Variants in FAT2 observed in about 807,000 individuals in gnomAD.
The protein encoded by FAT2 is protocadherin Fat 2.
In FAT2, 150 loss-of-function variants were observed where a neutral mutation model predicts 295.3. The observed-to-expected ratio is 0.51, with a 90% CI of 0.44 to 0.58. The LOEUF (loss-of-function observed/expected upper bound fraction) is 0.58, where lower values mean the gene tolerates loss of function less well. Among genes scored for constraint, FAT2 ranks in the 20% least tolerant of loss-of-function variants. FAT2 has a pLI of 0.00. For synonymous variants in FAT2, 2,026 were observed against 2,150.3 expected, an observed-to-expected ratio of 0.94 and a Z score of 1.60; for missense variants, 4,868 against 5,442.7, an observed-to-expected ratio of 0.89 and a Z score of 3.32.
At chr5:151,527,448 C>T (rs759292739) in intron 16 of FAT2, 71 bp from the exon 17 acceptor site, 3 of 1,411,966 alleles carry the variant, frequency 2.1e-6, no homozygotes, top group African/African-American at 1.4e-5. Context: ...TGAGTCATCA[C>T]TAATATTTTC....
Position 151,546,182 on chromosome 5 carries a change from G to A in FAT2, c.4945C>T (p.His1649Tyr), listed in dbSNP as rs936660504. Residue 1649 changes from histidine (H) to tyrosine (Y), a missense_variant, in exon 10 of 24, where the codon CAT (histidine) becomes TAT (tyrosine). Around this residue, in one of 5 missense-constraint regions of FAT2, gnomAD observed 3,297 missense variants for 3,669.4 expected, o/e 0.90. Coordinates refer to ENST00000261800, the MANE Select transcript of FAT2 (RefSeq NM_001447.3). Reference protein sequence around the residue: ...QWHDLATVIIHVYPSDRSAPI... With the variant: ...QWHDLATVIIYVYPSDRSAPI... ...GCACTCCTATCTGAGGGATAGACAT[G>A]AATGATCACTGTAGCCAGGTCATGC... 1.7e-5 allele frequency: 27 copies of A among 1,614,056 alleles called. No homozygotes were observed. The highest frequency in any genetic ancestry group is 2.3e-5 in the Non-Finnish European group (27 of 1,180,026).
chr5:151,510,876 G>A (rs1396380625), intron 21 of FAT2: 1 of 152,266 alleles, frequency 6.6e-6, no homozygotes, highest in Non-Finnish European at 1.5e-5. Context: ...CATGGTCAAG[G>A]AACTCAAACC....
chr5:151,570,396 C>T (rs1220215015), intron 1 of FAT2, among the ~76,000 whole-genome samples: 1 of 152,246 alleles, frequency 6.6e-6, no homozygotes, highest in Non-Finnish European at 1.5e-5. Context: ...AATAGAGCCC[C>T]AGAGTCGAGA....
At chr5:151,535,230 A>G (rs1755138265) in intron 12 of FAT2, among the ~76,000 whole-genome samples, 1 of 151,926 alleles carries the variant, frequency 6.6e-6, no homozygotes. Flanking sequence ...CCCTTGTTAC[A>G]CACTCTTTTG....
intron 22 of FAT2, chr5:151,509,696 C>T (rs923999366): frequency 4.2e-5 from 10 of 239,976 alleles, no homozygotes; most frequent in African/African-American, 1.3e-4. Flanking sequence ...ACTGATTCTA[C>T]GTTATGGTGA....
intron 1 of FAT2, among the ~76,000 whole-genome samples, chr5:151,577,101 A>G (rs898194021): frequency 3.3e-5 from 5 of 152,218 alleles, no homozygotes; most frequent in Non-Finnish European, 7.3e-5. Context: ...CTGTATACGC[A>G]TCTTTATACC....
rs1756616478 is a variant in FAT2 at position 151,546,213 on chromosome 5, TG to T, written c.4913del (p.Pro1638HisfsTer9). The T allele has an allele frequency of 6.2e-7, 1 of 1,614,168 alleles. No homozygotes were observed. The highest frequency in any genetic ancestry group is 1.6e-4 in the Middle Eastern group (1 of 6,062). ...TCACTGTAGCCAGGTCATGCCATTGTGGGGAGCCTTGATCTTCTGCCTTCAC... is the reference window on the plus strand; with the variant it reads ...TCACTGTAGCCAGGTCATGCCATTGTGGGAGCCTTGATCTTCTGCCTTCAC... ...LTVKAEDQGS[P>X]QWHDLATVII... On this transcript the variant is annotated frameshift_variant, in exon 10 of 24. Transcript: ENST00000261800. LOFTEE classifies it high-confidence loss of function.
chr5:151,568,317 C>A lies in FAT2; in HGVS notation c.615G>T (p.Val205=), dbSNP rs1388930500. 20 of 1,614,064 alleles carry A rather than the reference C, an allele frequency of 1.2e-5. No individual in the cohort carries two copies. Among genetic ancestry groups the A allele is most frequent in the Non-Finnish European group, 1.7e-5 (20 of 1,180,040 alleles). The change falls in exon 2 of 24, where the codon GTG becomes GTT. Residue 205 remains valine (V), a synonymous_variant. Coordinates refer to ENST00000261800, the MANE Select transcript of FAT2 (RefSeq NM_001447.3). The part of the protein sequence containing the change: ...AIHPTSGVVT[V]AGKLNVTWRG... ...GCCAGGTGACGTTAAGCTTCCCAGC[C>A]ACAGTGACCACACCGCTGGTGGGAT...
intron 1 of FAT2, among the ~76,000 whole-genome samples, chr5:151,589,841 C>T (rs1433692133): frequency 6.6e-6 from 1 of 152,168 alleles, no homozygotes; most frequent in Admixed American, 6.5e-5. Flanking sequence ...GTGGAAGCTG[C>T]ATGATAATGC....
At chr5:151,527,798 C>T (rs563292361) in intron 16 of FAT2, among the ~76,000 whole-genome samples, 198 bp downstream of exon 16, 20 of 152,276 alleles carry the variant, frequency 1.3e-4, no homozygotes, top group African/African-American at 3.1e-4. Flanking sequence ...GGGAAGGTTA[C>T]GGGGTCACTC....
chr5:151,583,788 A>G (rs1759057291), intron 1 of FAT2, among the ~76,000 whole-genome samples: 1 of 152,160 alleles, frequency 6.6e-6, no homozygotes, highest in Non-Finnish European at 1.5e-5. Flanking sequence ...ACTTGAGGTC[A>G]GGAGTTCAAG....
At position 151,591,202 on chromosome 5, in the gene FAT2, G is replaced by A. The variant is rs1024386287; in HGVS notation, c.-58C>T. On this transcript the variant is annotated 5_prime_UTR_variant, in exon 1 of 24. Coordinates refer to ENST00000261800, the MANE Select transcript of FAT2 (RefSeq NM_001447.3). ...GGTAGGGGAGGGTGCCCCAGAGCAG[G>A]CTGCTGGGCTGGCGCCCCTCTCACG... Among the ~76,000 whole-genome samples the A allele has an allele frequency of 6.6e-6, 1 of 152,230 alleles. No individual in the cohort carries two copies. Among genetic ancestry groups the A allele is most frequent in the East Asian group, 1.9e-4 (1 of 5,194 alleles).
rs770065957 is a variant in FAT2, at chr5:151,510,099, G to T, written c.11981C>A (p.Pro3994His). The T allele has an allele frequency of 2.5e-6, 4 of 1,614,172 alleles. No individual in the cohort carries two copies. The highest frequency in any genetic ancestry group is 8.5e-7 in the Non-Finnish European group (1 of 1,180,028). The stretch of plus-strand genomic sequence containing the variant: ...GATGCAAGTTCCACCTTCCAGGCAG[G>T]GTGCAAAAGTACAGTTCTCCCTTCC... ...EQGRENCTFAPCLEGGTCILS... is the reference protein window; with the variant it reads ...EQGRENCTFAHCLEGGTCILS... Residue 3994 changes from proline (P) to histidine (H), a missense_variant, in exon 22 of 24, where the codon CCC (proline) becomes CAC (histidine). Pro to His is a moderately conservative substitution (Grantham distance 77). Around this residue, in one of 5 missense-constraint regions of FAT2, gnomAD observed 492 missense variants for 482.6 expected, o/e 1.02. Transcript: ENST00000261800.
chr5:151,514,097 T>C (rs1752592239), intron 20 of FAT2, among the ~76,000 whole-genome samples: 1 of 152,248 alleles, frequency 6.6e-6, no homozygotes, highest in African/African-American at 2.4e-5. Context: ...GTGTTTCTTA[T>C]ACATTGGCTA....
At chr5:151,553,153 G>T (rs1757372117) in intron 6 of FAT2, 24 bp downstream of exon 6, 1 of 1,610,224 alleles carries the variant, frequency 6.2e-7, no homozygotes, top group Non-Finnish European at 8.5e-7. Flanking sequence ...GTTGGCCCTT[G>T]TTGGGCCCTA....
Position 151,545,936 on chromosome 5 carries a change from G to A in FAT2, c.5191C>T (p.Arg1731Ter), listed in dbSNP as rs773531501. 8.1e-6 allele frequency: 13 copies of A among 1,613,998 alleles called. No homozygotes were observed. The highest frequency in any genetic ancestry group is 1.3e-5 in the African/African-American group (1 of 75,000). Reference sequence around the variant, plus strand: ...AATGCACCTGCCATATTGCTGCCTCGGATTTTCAGCTGGTAAGACGAGATT... The same window carrying A: ...AATGCACCTGCCATATTGCTGCCTCAGATTTTCAGCTGGTAAGACGAGATT... Reference protein sequence around the residue: ...EKISSYQLKIRGSNMAGAFTD... With the variant: ...EKISSYQLKI The change falls in exon 10 of 24, where the codon CGA becomes TGA. Residue 1731 changes from arginine to a stop codon, truncating the protein, a stop_gained. Transcript: ENST00000261800. LOFTEE classifies it high-confidence loss of function.
chr5:151,556,459 C>G lies in FAT2; in HGVS notation c.3575-57G>C, dbSNP rs149238939. The G allele has an allele frequency of 6.7e-5, 76 of 1,142,768 alleles. No individual in the cohort carries two copies. In the African/African-American group the frequency reaches 1.1e-3, roughly 16 times the overall value. The allele number at this position is 1,142,768 out of a possible 1,614,324, so 70.8% of individuals were successfully genotyped here. The stretch of plus-strand genomic sequence containing the variant: ...GCAGAAGACTTTCAGGGCCACTTTA[C>G]TGAGGCAACTTCAAGAATTACATTC... On this transcript the variant is annotated intron_variant, in intron 3 of 23. Transcript: ENST00000261800.
At position 151,546,257 on chromosome 5, in the gene FAT2, C is replaced by T. The variant is rs2127614588; in HGVS notation, c.4870G>A (p.Ala1624Thr). 1.2e-6 allele frequency: 2 copies of T among 1,614,170 alleles called. No homozygotes were observed. The highest frequency in any genetic ancestry group is 1.1e-5 in the South Asian group (1 of 91,086). Residue 1624 changes from alanine to threonine, a missense_variant, in exon 10 of 24, where the codon GCC (alanine) becomes ACC (threonine). By Grantham distance (58) the Ala-to-Thr change is moderately conservative (BLOSUM62 0). This residue lies in a region of FAT2 where 3,297 missense variants were observed against 3,669.4 expected (regional missense o/e 0.90). Transcript: ENST00000261800. ...LAQKLDQANH[A>T]PHTLTVKAED... is the part of the protein sequence containing the mutation. ...GCCTTCACTGTCAGAGTATGTGGGG[C>T]ATGATTTGCCTGATCAAGCTTTTGA...
chr5:151,566,344 G>T lies in FAT2; in HGVS notation c.2588C>A (p.Thr863Lys), dbSNP rs1367255352. The T allele has an allele frequency of 1.9e-6, 3 of 1,614,132 alleles. No homozygotes were observed. The highest frequency in any genetic ancestry group is 2.5e-6 in the Non-Finnish European group (3 of 1,180,000). The change falls in exon 2 of 24, where the codon ACA becomes AAA. Residue 863 changes from threonine (T) to lysine (K), a missense_variant. Thr to Lys is a moderately conservative substitution (Grantham distance 78, BLOSUM62 -1). Around this residue, in one of 5 missense-constraint regions of FAT2, gnomAD observed 3,297 missense variants for 3,669.4 expected, o/e 0.90. Coordinates refer to ENST00000261800, the MANE Select transcript of FAT2 (RefSeq NM_001447.3). ...GAGAGGGTGGAGGGAGAACTTCTCT[G>T]TGGGACTTAGCAGGGTGTAGCGAAC... ...GRVRYTLLSP[T>K]EKFSLHPLTG...
Sources: allele counts gnomAD v4.1 joint callset (sites outside exome capture counted in the v4.1 genomes callset), GRCh38; gene constraint gnomAD v4.1.1; regional missense constraint gnomAD v4.1.1; transcripts MANE v1.5; gene names NCBI Gene and HGNC (gene_info 2026-07-23, HGNC 2026-07-21).